The following KANK1 variants were observed in gnomAD, a reference collection of about 807,000 sequenced individuals.
KANK1 encodes KN motif and ankyrin repeat domain-containing protein 1.
In KANK1, 109 loss-of-function variants were observed where a neutral mutation model predicts 106.2. That is an observed-to-expected ratio of 1.03 (90% CI 0.88 to 1.20). The LOEUF (loss-of-function observed/expected upper bound fraction) is 1.20. KANK1 is among the 50% of genes most tolerant of loss of function. KANK1 has a pLI of 0.00. For missense variants in KANK1, 2,399 were observed against 1,710.7 expected (o/e 1.40, Z -7.10); for synonymous variants, 873 against 652.2 (o/e 1.34, Z -5.16).
chr9:571,863 T>G (rs796832105), intron 1 of KANK1, among the ~76,000 whole-genome samples: 105 of 152,310 alleles, frequency 6.9e-4, no homozygotes, highest in African/African-American at 2.5e-3. Context: ...AAAATTCTTA[T>G]GTATTTGGTA....
At chr9:502,481 A>G (rs1251308513), upstream of KANK1, among the ~76,000 whole-genome samples, 1 of 151,764 alleles carries the variant, frequency 6.6e-6, no homozygotes, top group Non-Finnish European at 1.5e-5. Flanking sequence ...GCAAAGAGGG[A>G]GAAATAAAGG....
At chr9:644,103 C>T (rs147736937) in intron 1 of KANK1, among the ~76,000 whole-genome samples, 1 of 151,106 alleles carries the variant, frequency 6.6e-6, no homozygotes, top group East Asian at 1.9e-4. Flanking sequence ...TACATTGGTT[C>T]TTCTACATTC....
At position 686,184 on chromosome 9, in the gene KANK1, A is replaced by G. The variant is rs955539735; in HGVS notation, c.37+9175A>G. 3.3e-5 allele frequency among the ~76,000 whole-genome samples: 5 copies of G among 152,192 alleles called. No homozygotes were observed. The East Asian group carries it at 9.6e-4, about 29-fold the overall frequency. On this transcript the variant is annotated intron_variant, in intron 2 of 11. Coordinates refer to ENST00000382297, the MANE Select transcript of KANK1 (RefSeq NM_015158.5). ...AAAAGTTCTCTCTTCCTCTGTTCTC[A>G]GTATCCCCCTCATGTAAGTCTGTCT...
chr9:653,779 A>G (rs963388014), intron 1 of KANK1, among the ~76,000 whole-genome samples: 3 of 152,068 alleles, frequency 2.0e-5, no homozygotes, highest in Non-Finnish European at 2.9e-5. Flanking sequence ...AATAAAAAAG[A>G]AGGAGAGGAT....
intron 3 of KANK1, among the ~76,000 whole-genome samples, chr9:726,770 G>A (rs1016047347): frequency 2.6e-5 from 4 of 151,320 alleles, no homozygotes; most frequent in Non-Finnish European, 5.9e-5. Flanking sequence ...GACCAGCCTG[G>A]CCAACATGGT....
intron 1 of KANK1, among the ~76,000 whole-genome samples, chr9:552,688 G>T (rs1282961416): frequency 6.6e-6 from 1 of 152,162 alleles, no homozygotes. Context: ...GCTCAAGTCT[G>T]TACTATGCCT....
At chr9:478,823 A>G (rs73639545) in intron 3 of KANK1, among the ~76,000 whole-genome samples, 3,165 of 152,262 alleles carry the variant, frequency 0.021, 103 homozygotes, top group African/African-American at 0.072. Flanking sequence ...GTGAAGCCAC[A>G]TTTACTTTGC....
chr9:712,609 C>G lies in KANK1; in HGVS notation c.1843C>G (p.Leu615Val). Residue 615 changes from leucine (L) to valine (V), a missense_variant, in exon 3 of 12, where the codon CTC becomes GTC. By Grantham distance (32) the Leu-to-Val change is conservative (BLOSUM62 1). Transcript: ENST00000382297. The part of the protein sequence containing the change: ...NTEESVNDLT[L>V]LKTNLNLKEV... ...AGAGGAGTCTGTGAACGACCTCACACTCCTCAAGACAAACTTGAATCTCAA... is the reference window on the plus strand; with the variant it reads ...AGAGGAGTCTGTGAACGACCTCACAGTCCTCAAGACAAACTTGAATCTCAA... The G allele has an allele frequency of 6.2e-7, 1 of 1,614,200 alleles. No homozygotes were observed.
intron 1 of KANK1, among the ~76,000 whole-genome samples, chr9:586,536 T>C (rs1823516525): frequency 6.6e-6 from 1 of 152,128 alleles, no homozygotes; most frequent in Admixed American, 6.5e-5. Context: ...AGAGATGACT[T>C]GAAAACAGTT....
At chr9:495,933 G>T (rs2058453215) in intron 3 of KANK1, among the ~76,000 whole-genome samples, 1 of 152,016 alleles carries the variant, frequency 6.6e-6, no homozygotes, top group African/African-American at 2.4e-5. Context: ...CAGTGACAGT[G>T]ACTCAGTGTA....
intron 1 of KANK1, among the ~76,000 whole-genome samples, chr9:532,763 A>G (rs187322190): frequency 7.9e-5 from 12 of 152,248 alleles, no homozygotes; most frequent in African/African-American, 2.6e-4. Flanking sequence ...AAACTGCTTC[A>G]GTTTATTATG....
chr9:585,849 C>T (rs1336940903), intron 1 of KANK1, among the ~76,000 whole-genome samples: 3 of 151,776 alleles, frequency 2.0e-5, no homozygotes, highest in East Asian at 1.9e-4. Flanking sequence ...GAATAGAAGA[C>T]GTTTATTGGA....
chr9:534,055 T>G (rs533589906), intron 1 of KANK1, among the ~76,000 whole-genome samples: 112 of 152,286 alleles, frequency 7.4e-4, no homozygotes, highest in African/African-American at 2.6e-3. Context: ...GCTTGCAGAT[T>G]GGGAGAAAGG....
chr9:642,582 G>C (rs572080838), intron 1 of KANK1, among the ~76,000 whole-genome samples: 17 of 151,016 alleles, frequency 1.1e-4, no homozygotes, highest in South Asian at 2.1e-4. Flanking sequence ...CTAGAACAGA[G>C]AGATGGTTTA....
rs373587257 is a variant in KANK1, at chr9:727,661, CAG to C, written c.2699-2387_2699-2386del. Among the ~76,000 whole-genome samples, 85 of 149,454 alleles carry C rather than the reference CAG, an allele frequency of 5.7e-4. 1 individual carries two copies. In the South Asian group the frequency reaches 0.017, roughly 31 times the overall value. ...ACTACCATAGCTGTTTCATTTAGCA[CAG>C]AGTCAGATAACTTTTCATGTGTGTG... On this transcript the variant is annotated intron_variant, in intron 3 of 11. Transcript: ENST00000382297.
chr9:660,112 G>T, intron 1 of KANK1: 1 of 439,858 alleles, frequency 2.3e-6, no homozygotes, highest in South Asian at 1.9e-5. Flanking sequence ...ATGGCAGGAA[G>T]ACCCTTACTA....
intron 1 of KANK1, chr9:540,534 T>A (rs2060541029): frequency 6.6e-6 from 1 of 152,192 alleles, no homozygotes; most frequent in African/African-American, 2.4e-5. Flanking sequence ...GCAAAATGAG[T>A]TTGGAAGGGT....
intron 2 of KANK1, among the ~76,000 whole-genome samples, chr9:691,611 A>ACTTTTTTTTT (rs1819929119): frequency 1.4e-5 from 1 of 71,082 alleles, no homozygotes; most frequent in African/African-American, 4.6e-5. Context: ...TAATACCAGA[A>ACTTTTTTTTT]TTTTTTTTTT....
At chr9:728,010 C>T (rs186999846) in intron 3 of KANK1, among the ~76,000 whole-genome samples, 17 of 152,160 alleles carry the variant, frequency 1.1e-4, no homozygotes, top group Admixed American at 9.8e-4. Context: ...AATTCAGGCA[C>T]AACTGACCAG....
Sources: allele counts gnomAD v4.1 joint callset (sites outside exome capture counted in the v4.1 genomes callset), GRCh38; gene constraint gnomAD v4.1.1; transcripts MANE v1.5; gene names NCBI Gene and HGNC (gene_info 2026-07-23, HGNC 2026-07-21).